The following GREB1L variants were observed in gnomAD, a reference collection of about 807,000 sequenced individuals.
GREB1L encodes the protein GREB1-like protein.
A neutral mutation model predicts 200.8 loss-of-function variants in GREB1L; 17 were observed. The observed-to-expected ratio is 0.08, with a 90% CI of 0.06 to 0.13. The LOEUF is 0.13. GREB1L is among the 10% of genes least tolerant of loss of function. GREB1L has a pLI of 1.00. For missense variants in GREB1L, 1,657 were observed against 2,367.7 expected, an observed-to-expected ratio of 0.70 and a Z score of 6.23; for synonymous variants, 789 against 893.0, an observed-to-expected ratio of 0.88 and a Z score of 2.08.
Position 21,386,741 on chromosome 18 carries a change from G to C in GREB1L, c.355+2338G>C, listed in dbSNP as rs187768273. ...AGGATGGTCTAGATCTCCTGACTTC[G>C]TGATCCGCCTGCCTCGGCCTCCCAA... On this transcript the variant is annotated intron_variant, in intron 4 of 32. Coordinates refer to ENST00000424526, the MANE Select transcript of GREB1L (RefSeq NM_001142966.3). 9.3e-5 allele frequency among the ~76,000 whole-genome samples: 14 copies of C among 150,996 alleles called. No homozygotes were observed. The East Asian group carries it at 2.7e-3, about 30-fold the overall frequency.
intron 1 of GREB1L, among the ~76,000 whole-genome samples, chr18:21,315,505 TC>T (rs897603283): frequency 6.6e-6 from 1 of 152,168 alleles, no homozygotes; most frequent in African/African-American, 2.4e-5. Flanking sequence ...GTACAGATGT[TC>T]AACACATATC....
chr18:21,423,720 G>A (rs2032342439), intron 7 of GREB1L, among the ~76,000 whole-genome samples: 1 of 152,086 alleles, frequency 6.6e-6, no homozygotes, highest in Non-Finnish European at 1.5e-5. Context: ...AAATTAGCTA[G>A]GTGTGGTAGC....
At chr18:21,408,311 G>A (rs1275545029) in intron 7 of GREB1L, among the ~76,000 whole-genome samples, 1 of 152,050 alleles carries the variant, frequency 6.6e-6, no homozygotes, top group African/African-American at 2.4e-5. Context: ...AAAAATATTA[G>A]CAAAACACAA....
intron 1 of GREB1L, among the ~76,000 whole-genome samples, chr18:21,288,250 AG>A (rs1419349283): frequency 2.0e-5 from 3 of 152,030 alleles, no homozygotes; most frequent in Non-Finnish European, 2.9e-5. Flanking sequence ...CAGAACAAGA[AG>A]ATTATCCAGA....
At chr18:21,401,930 T>C (rs1393120492) in intron 6 of GREB1L, 1 of 148,552 alleles carries the variant, frequency 6.7e-6, no homozygotes. Flanking sequence ...ATTATTATTC[T>C]ATTGATCAGT....
chr18:21,259,865 CT>C (rs1361046177), intron 1 of GREB1L, among the ~76,000 whole-genome samples: 3 of 151,270 alleles, frequency 2.0e-5, no homozygotes, highest in African/African-American at 4.8e-5. Flanking sequence ...TGTGGCATTC[CT>C]TTTTTTTCAT....
At chr18:21,389,732 A>G (rs2040715075) in intron 4 of GREB1L, among the ~76,000 whole-genome samples, 1 of 152,194 alleles carries the variant, frequency 6.6e-6, no homozygotes, top group Non-Finnish European at 1.5e-5. Context: ...GAGAAAGCTC[A>G]GCAGAAATGT....
chr18:21,507,328 A>T (rs2037055694), intron 25 of GREB1L, among the ~76,000 whole-genome samples: 1 of 152,234 alleles, frequency 6.6e-6, no homozygotes, highest in Admixed American at 6.5e-5. Flanking sequence ...CTGAGGCAGA[A>T]TAAACTAGAA....
intron 4 of GREB1L, among the ~76,000 whole-genome samples, chr18:21,391,399 C>T (rs954707836): frequency 7.2e-5 from 11 of 152,208 alleles, no homozygotes; most frequent in Admixed American, 1.3e-4. Context: ...TAGGCTGTAT[C>T]ATCTGGGTGT....
At position 21,343,826 on chromosome 18, in the gene GREB1L, C is replaced by G. The variant is rs189762053; in HGVS notation, c.-119-22201C>G. On this transcript the variant is annotated intron_variant, in intron 1 of 32. Transcript: ENST00000424526. ...TCTTGGCTCAGTGCAACCTCTGCCT[C>G]CAGGATTCAAGTGATTCCCCCACCT... 6.4e-4 allele frequency among the ~76,000 whole-genome samples: 97 copies of G among 150,722 alleles called. No individual in the cohort carries two copies. The Middle Eastern group carries it at 0.014, about 22-fold the overall frequency.
chr18:21,295,540 G>T (rs769151509), intron 1 of GREB1L, among the ~76,000 whole-genome samples: 2 of 152,126 alleles, frequency 1.3e-5, no homozygotes, highest in Non-Finnish European at 2.9e-5. Context: ...AGATGCGGAA[G>T]AACTCACTTA....
At chr18:21,456,405 C>T (rs1022441832) in intron 15 of GREB1L, among the ~76,000 whole-genome samples, 6 of 152,320 alleles carry the variant, frequency 3.9e-5, no homozygotes, top group Admixed American at 1.3e-4. Context: ...GATTATTACA[C>T]ATTCCATGCG....
chr18:21,488,995 C>G (rs1285907657), intron 18 of GREB1L, among the ~76,000 whole-genome samples: 1 of 152,138 alleles, frequency 6.6e-6, no homozygotes, highest in African/African-American at 2.4e-5. Flanking sequence ...TATTCAGCAG[C>G]AGAAGTACTG....
chr18:21,326,073 C>G (rs1285462895), intron 1 of GREB1L, among the ~76,000 whole-genome samples: 3 of 151,912 alleles, frequency 2.0e-5, no homozygotes, highest in African/African-American at 7.3e-5. Flanking sequence ...TGTCCCCAAG[C>G]AGGGAATTGG....
At chr18:21,289,488 AGCTATAATCAT>A (rs981582622) in intron 1 of GREB1L, among the ~76,000 whole-genome samples, 4 of 152,038 alleles carry the variant, frequency 2.6e-5, no homozygotes, top group Admixed American at 2.6e-4. Flanking sequence ...GCAGTCAGTG[AGCTATAATCAT>A]GCCACTGCAC....
chr18:21,477,089 A>G, intron 16 of GREB1L, 75 bp from the exon 17 acceptor site: 1 of 870,884 alleles, frequency 1.1e-6, no homozygotes, highest in East Asian at 2.9e-5. Flanking sequence ...CTAAAACAGT[A>G]TGTCCATGTT....
intron 16 of GREB1L, among the ~76,000 whole-genome samples, chr18:21,475,987 AAAAAAAAAAAG>A (rs1193390715): frequency 6.7e-6 from 1 of 150,184 alleles, no homozygotes; most frequent in Non-Finnish European, 1.5e-5. Context: ...AAAAAAAAAA[AAAAAAAAAAAG>A]AGTCAAATAT....
At position 21,440,310 on chromosome 18, in the gene GREB1L, G is replaced by A. The variant is rs1369411935; in HGVS notation, c.991G>A (p.Gly331Arg). ...TGGGCCACCAAAGAAACGACACCGG[G>A]GATGGTATCCTGGGTCACCTCTCCC... Reference protein sequence around the residue: ...ISGPPKKRHRGWYPGSPLPQP... With the variant: ...ISGPPKKRHRRWYPGSPLPQP... Residue 331 changes from glycine (G) to arginine (R), a missense_variant, in exon 9 of 33, where the codon GGA becomes AGA. Transcript: ENST00000424526. 7.1e-6 allele frequency: 11 copies of A among 1,551,528 alleles called. No homozygotes were observed. The highest frequency in any genetic ancestry group is 9.6e-6 in the Non-Finnish European group (11 of 1,146,966).
chr18:21,489,371 T>G (rs1342591831), intron 18 of GREB1L, among the ~76,000 whole-genome samples: 8 of 152,170 alleles, frequency 5.3e-5, no homozygotes, highest in African/African-American at 1.9e-4. Context: ...AGGAACAGTT[T>G]ATGGAAAGAT....
Sources: gnomAD v4.1 joint callset for allele counts (sites outside exome capture counted in the v4.1 genomes callset) on GRCh38, gnomAD v4.1.1 for gene constraint, MANE v1.5 for transcripts, NCBI Gene and HGNC (gene_info 2026-07-23, HGNC 2026-07-21) for gene names.